The following USP39 variants were observed in gnomAD, a reference collection of about 807,000 sequenced individuals.
The protein encoded by USP39 is ubiquitin carboxyl-terminal hydrolase 39.
USP39 carries 38 observed loss-of-function variants against 66.4 expected under a neutral mutation model. The observed-to-expected ratio is 0.57, with a 90% CI of 0.44 to 0.75. The LOEUF (loss-of-function observed/expected upper bound fraction) is 0.75. Among genes scored for constraint, USP39 ranks in the 30% least tolerant of loss-of-function variants. The pLI, the probability that USP39 is intolerant of heterozygous loss-of-function variation, is 0.00. For synonymous variants in USP39, 303 were observed against 274.6 expected, an observed-to-expected ratio of 1.10 and a Z score of -1.02; for missense variants, 608 against 714.4, an observed-to-expected ratio of 0.85 and a Z score of 1.70.
intron 5 of USP39, among the ~76,000 whole-genome samples, chr2:85,630,453 G>GTGTTT (rs539888367): frequency 3.3e-5 from 5 of 152,196 alleles, no homozygotes; most frequent in African/African-American, 4.8e-5. Context: ...TTGAATACCT[G>GTGTTT]TGTTTTGTTT....
intron 1 of USP39, among the ~76,000 whole-genome samples, chr2:85,617,560 G>T (rs1212752702): frequency 6.6e-6 from 1 of 152,176 alleles, no homozygotes; most frequent in East Asian, 1.9e-4. Flanking sequence ...TTGGGGCAGG[G>T]TGTGGTGGCT....
chr2:85,609,181 A>T, upstream of USP39: 1 of 1,434,990 alleles, frequency 7.0e-7, no homozygotes, highest in South Asian at 1.3e-5. Flanking sequence ...TTTTGCCAGC[A>T]CCTGTCATTT....
intron 1 of USP39, 44 bp from the exon 2 acceptor site, chr2:85,619,176 T>G: frequency 3.1e-6 from 5 of 1,605,152 alleles, no homozygotes; most frequent in Non-Finnish European, 4.3e-6. Context: ...TGGCCCTGAG[T>G]ATAGGTTTCC....
At chr2:85,616,758 A>T (rs6732858) in intron 1 of USP39, among the ~76,000 whole-genome samples, 1 of 148,162 alleles carries the variant, frequency 6.7e-6, no homozygotes, top group Non-Finnish European at 1.5e-5. Flanking sequence ...GCTCACTGCA[A>T]CCTCTGCCTC....
At chr2:85,620,101 AC>A in intron 2 of USP39, among the ~76,000 whole-genome samples, 1 of 150,984 alleles carries the variant, frequency 6.6e-6, no homozygotes, top group Non-Finnish European at 1.5e-5. Context: ...CAGGAGATCC[AC>A]CTGCCTTGGC....
At chr2:85,623,351 A>G (rs1019971568) in intron 3 of USP39, among the ~76,000 whole-genome samples, 9 of 149,202 alleles carry the variant, frequency 6.0e-5, no homozygotes, top group African/African-American at 2.2e-4. Context: ...TGTATTATAT[A>G]TAGATATATA....
In USP39 at chr2:85,625,551, C is replaced by T. The variant is rs1399835730; in HGVS notation, c.583C>T (p.Pro195Ser). ...TTTTGCTTTGCAGTATGTGTTGAAG[C>T]CCACTTTCACAAAGCAGCAAATTGC... The part of the protein sequence containing the change: ...SLEDITYVLK[P>S]TFTKQQIANL... Residue 195 changes from proline (P) to serine (S), a missense_variant, in exon 5 of 13, where the codon CCC (proline) becomes TCC (serine). By Grantham distance (74) the Pro-to-Ser change is moderately conservative. Around this residue, in one of 6 missense-constraint regions of USP39, gnomAD observed 115 missense variants for 198.6 expected, o/e 0.58. Transcript: ENST00000323701. 1 of 1,613,882 alleles carries T rather than the reference C, an allele frequency of 6.2e-7. No homozygotes were observed. The highest frequency in any genetic ancestry group is 8.5e-7 in the Non-Finnish European group (1 of 1,179,842).
At chr2:85,612,380 C>T, upstream of USP39, 1 of 1,535,544 alleles carries the variant, frequency 6.5e-7, no homozygotes, top group Admixed American at 2.0e-5. Flanking sequence ...GCTGTGCAAT[C>T]CATCGCCATC....
chr2:85,644,657 A>G (rs913171895), intron 10 of USP39, among the ~76,000 whole-genome samples: 1 of 151,678 alleles, frequency 6.6e-6, no homozygotes, highest in Non-Finnish European at 1.5e-5. Flanking sequence ...TCCTGGGCTC[A>G]AGCAGTCCTC....
intron 6 of USP39, among the ~76,000 whole-genome samples, chr2:85,634,981 C>T (rs1675646957): frequency 6.6e-6 from 1 of 152,142 alleles, no homozygotes; most frequent in African/African-American, 2.4e-5. Context: ...CCACTATTGG[C>T]TAGGATAGTT....
intron 10 of USP39, among the ~76,000 whole-genome samples, chr2:85,643,450 C>G (rs866657923): frequency 6.6e-6 from 1 of 151,434 alleles, no homozygotes; most frequent in African/African-American, 2.4e-5. Context: ...AGATAGCTAG[C>G]GCCATTGCAC....
Position 85,645,017 on chromosome 2 carries a change from C to A in USP39, c.1497C>A (p.Leu499=). 6.2e-7 allele frequency: 1 copy of A among 1,614,202 alleles called. No individual in the cohort carries two copies. The highest frequency in any genetic ancestry group is 2.2e-5 in the East Asian group (1 of 44,884). Residue 499 remains leucine, a synonymous_variant, in exon 11 of 13, where the codon CTC becomes CTA. Transcript: ENST00000323701. ...TACACAAGAATACCACCTATGACCT[C>A]ATTGCCAACATCGTGCATGACGGCA... is the stretch of plus-strand genomic sequence containing the variant. ...QAVHKNTTYD[L]IANIVHDGKP... is the part of the protein sequence containing the mutation.
In USP39 at chr2:85,639,347, C is replaced by T. The variant is rs1167903660; in HGVS notation, c.1240C>T (p.Pro414Ser). Residue 414 changes from proline (P) to serine (S), a missense_variant, in exon 9 of 13, where the codon CCA (proline) becomes TCA (serine). This residue lies in a region of USP39 where 164 missense variants were observed against 250.3 expected (regional missense o/e 0.66). Transcript: ENST00000323701. The stretch of plus-strand genomic sequence containing the variant: ...GGAGCAGCTCATCATTCCCCAAGTG[C>T]CACTCTTCAACATCCTGGCTAAGTT... ...EKEQLIIPQVPLFNILAKFNG... is the reference protein window; with the variant it reads ...EKEQLIIPQVSLFNILAKFNG... The T allele has an allele frequency of 6.2e-7, 1 of 1,614,032 alleles. No individual in the cohort carries two copies. The highest frequency in any genetic ancestry group is 1.7e-5 in the Admixed American group (1 of 59,986).
At chr2:85,612,176 A>G (rs895892392), upstream of USP39, 50 of 921,844 alleles carry the variant, frequency 5.4e-5, no homozygotes, top group Admixed American at 7.6e-5. Flanking sequence ...GGAGTAGGGT[A>G]TGCTTGACTT....
chr2:85,636,555 A>G (rs772927691), intron 7 of USP39, among the ~76,000 whole-genome samples: 1 of 152,104 alleles, frequency 6.6e-6, no homozygotes, highest in African/African-American at 2.4e-5. Flanking sequence ...CACCTAGGCT[A>G]TGCAGTGGCA....
rs754742846 is a variant in USP39, at chr2:85,645,083, T to C, written c.1563T>C (p.His521=). The change falls in exon 11 of 13, where the codon CAT becomes CAC. Residue 521 remains histidine, a splice_region_variant and synonymous_variant. Transcript: ENST00000323701. ...CCTACCGGATCCACGTGCTTCATCA[T>C]GTGAGTGGCTGCTGACCGTCTCATG... is the stretch of plus-strand genomic sequence containing the variant. ...EGSYRIHVLH[H]GTGKWYELQD... The C allele has an allele frequency of 1.9e-5, 30 of 1,613,980 alleles. No homozygotes were observed. The highest frequency in any genetic ancestry group is 2.5e-5 in the Non-Finnish European group (30 of 1,179,994).
At position 85,616,531 on chromosome 2, in the gene USP39, A is replaced by G. The variant is rs1573388769; in HGVS notation, c.268+68A>G. On this transcript the variant is annotated intron_variant, in intron 1 of 12. Coordinates refer to ENST00000323701, the MANE Select transcript of USP39 (RefSeq NM_006590.4). ...TTCGCGTCCTTTTTTCTTGTCTCTA[A>G]TCTTCCGCTAGGTCACTGCGCCGGA... 16 of 1,117,742 alleles carry G rather than the reference A, an allele frequency of 1.4e-5. No individual in the cohort carries two copies. In the South Asian group the frequency reaches 3.2e-4, roughly 23 times the overall value. 69.2% of individuals were successfully genotyped at this position (1,117,742 alleles called of 1,614,324 possible).
chr2:85,621,336 A>T, intron 2 of USP39, 149 bp from the exon 3 acceptor site: 1 of 626,166 alleles, frequency 1.6e-6, no homozygotes. Flanking sequence ...GGTGAGGAAT[A>T]ATCAGTGTCC....
chr2:85,616,246 A>G lies in USP39; in HGVS notation c.51A>G (p.Arg17=). The G allele has an allele frequency of 6.7e-7, 1 of 1,498,722 alleles. No individual in the cohort carries two copies. Among genetic ancestry groups the G allele is most frequent in the Non-Finnish European group, 8.9e-7 (1 of 1,121,800 alleles). 92.8% of individuals were successfully genotyped at this position (1,498,722 alleles called of 1,614,324 possible). The change falls in exon 1 of 13, where the codon CGA becomes CGG. Residue 17 remains arginine (R), a synonymous_variant. Coordinates refer to ENST00000323701, the MANE Select transcript of USP39 (RefSeq NM_006590.4). ...RESRGSTRGK[R]ESESRGSSGR... is the part of the protein sequence containing the mutation. The stretch of plus-strand genomic sequence containing the variant: ...CTCGCGGTTCCACTCGCGGGAAGCG[A>G]GAGTCTGAGTCGCGGGGCAGCTCCG...
Sources: gnomAD v4.1 joint callset for allele counts (sites outside exome capture counted in the v4.1 genomes callset) on GRCh38, gnomAD v4.1.1 for gene constraint, gnomAD v4.1.1 regional missense constraint, MANE v1.5 for transcripts, NCBI Gene and HGNC (gene_info 2026-07-23, HGNC 2026-07-21) for gene names.